XPO5: variants seen among roughly 807,000 people sequenced by gnomAD.
XPO5 encodes exportin 5, also known as exportin-5.
In XPO5, 46 loss-of-function variants were observed where a neutral mutation model predicts 160.6. The observed-to-expected ratio is 0.29, with a 90% CI of 0.23 to 0.37. The LOEUF (loss-of-function observed/expected upper bound fraction) is 0.37. XPO5 is among the 10% of genes least tolerant of loss of function. XPO5 has a pLI of 1.00. For synonymous variants in XPO5, 537 were observed against 519.3 expected (o/e 1.03, Z -0.46); for missense variants, 1,090 against 1,463.9 (o/e 0.74, Z 4.17).
intron 20 of XPO5, among the ~76,000 whole-genome samples, chr6:43,542,755 C>T (rs980029234): frequency 1.3e-5 from 2 of 152,156 alleles, no homozygotes; most frequent in Non-Finnish European, 1.5e-5. Context: ...CTCCCAACTC[C>T]AGCATATAAC....
At chr6:43,569,150 G>A (rs369411752) in intron 5 of XPO5, among the ~76,000 whole-genome samples, 7 of 151,892 alleles carry the variant, frequency 4.6e-5, no homozygotes, top group Non-Finnish European at 8.8e-5. Context: ...AAAATTAGCC[G>A]GTGTGCTGGC....
At chr6:43,571,822 T>C (rs898773497) in intron 3 of XPO5, among the ~76,000 whole-genome samples, 1 of 152,008 alleles carries the variant, frequency 6.6e-6, no homozygotes, top group Non-Finnish European at 1.5e-5. Flanking sequence ...AAAAAAGTCA[T>C]ATTCTAATAC....
At chr6:43,526,069 A>G in intron 27 of XPO5, 148 bp from the exon 28 acceptor site, 1 of 730,560 alleles carries the variant, frequency 1.4e-6, no homozygotes, top group Admixed American at 2.5e-5. Context: ...CCACCTCCAC[A>G]TAATGCCCAT....
At chr6:43,542,737 A>ATTT (rs1794768090) in intron 20 of XPO5, among the ~76,000 whole-genome samples, 1 of 152,180 alleles carries the variant, frequency 6.6e-6, no homozygotes, top group African/African-American at 2.4e-5. Flanking sequence ...AAAAATAGTA[A>ATTT]TTTAAAACTC....
chr6:43,538,451 A>G (rs755788768), intron 20 of XPO5, among the ~76,000 whole-genome samples: 5 of 152,072 alleles, frequency 3.3e-5, no homozygotes, highest in Non-Finnish European at 2.9e-5. Context: ...CGCTAAGCCT[A>G]ATTTAGTGAC....
intron 9 of XPO5, chr6:43,561,297 A>C (rs957341874): frequency 3.8e-5 from 13 of 343,730 alleles, no homozygotes; most frequent in Non-Finnish European, 6.4e-5. Flanking sequence ...CAGAAAGAAA[A>C]AAAATCTGTA....
chr6:43,564,083 G>A (rs569779424), intron 8 of XPO5, among the ~76,000 whole-genome samples: 3 of 152,092 alleles, frequency 2.0e-5, no homozygotes, highest in Admixed American at 1.3e-4. Flanking sequence ...CACCACGCCC[G>A]GCTAATTTTT....
chr6:43,546,881 TC>T (rs951087343), intron 19 of XPO5, 129 bp from the exon 20 acceptor site: 8 of 881,550 alleles, frequency 9.1e-6, no homozygotes, highest in Non-Finnish European at 1.3e-5. Flanking sequence ...AATCCTCTGC[TC>T]CCCGGCAATC....
chr6:43,540,833 C>T (rs968895023), intron 20 of XPO5, among the ~76,000 whole-genome samples: 2 of 151,842 alleles, frequency 1.3e-5, no homozygotes, highest in East Asian at 1.9e-4. Flanking sequence ...TTTCAAAGAA[C>T]CAGCTTTATT....
intron 22 of XPO5, 39 bp from the exon 23 acceptor site, chr6:43,530,863 C>G: frequency 6.3e-7 from 1 of 1,590,396 alleles, no homozygotes; most frequent in Non-Finnish European, 8.6e-7. Context: ...AATGACAAAT[C>G]CAACATCTGT....
At chr6:43,549,712 A>G (rs1795137226) in intron 16 of XPO5, 134 bp from the exon 17 acceptor site, 1 of 1,232,284 alleles carries the variant, frequency 8.1e-7, no homozygotes, top group African/African-American at 1.5e-5. Context: ...TAATGGAGTA[A>G]CATTTATAGC....
chr6:43,567,821 C>G (rs1762771859), intron 6 of XPO5, among the ~76,000 whole-genome samples: 1 of 151,626 alleles, frequency 6.6e-6, no homozygotes, highest in South Asian at 2.1e-4. Context: ...ATCTATAGTC[C>G]CAGCTACTCA....
intron 21 of XPO5, among the ~76,000 whole-genome samples, 161 bp from the exon 22 acceptor site, chr6:43,531,736 TAGG>T (rs1182614976): frequency 1.3e-5 from 2 of 152,056 alleles, no homozygotes; most frequent in African/African-American, 4.8e-5. Flanking sequence ...ACTCTTTTGG[TAGG>T]AGAAGGTGAA....
intron 20 of XPO5, among the ~76,000 whole-genome samples, chr6:43,538,531 T>A (rs886909141): frequency 4.8e-4 from 73 of 152,190 alleles, no homozygotes; most frequent in African/African-American, 1.4e-3. Context: ...TCGGTGATAT[T>A]TGAATACTGA....
intron 13 of XPO5, chr6:43,555,593 T>A (rs1762036925): frequency 3.2e-6 from 1 of 314,468 alleles, no homozygotes; most frequent in Non-Finnish European, 5.7e-6. Flanking sequence ...CTGTTAGAAA[T>A]GGAAAATGAT....
At chr6:43,542,235 T>C (rs1334493795) in intron 20 of XPO5, among the ~76,000 whole-genome samples, 6 of 152,158 alleles carry the variant, frequency 3.9e-5, no homozygotes, top group South Asian at 2.1e-4. Context: ...ACTGTAACAC[T>C]TGACTAGTAA....
In XPO5 at chr6:43,568,630, A is replaced by AGGT. The variant is rs1478067080; in HGVS notation, c.648+78_648+80dup. 3.2e-6 allele frequency: 4 copies of AGGT among 1,245,210 alleles called. No individual in the cohort carries two copies. The African/African-American group carries it at 4.6e-5, about 14-fold the overall frequency. 77.1% of individuals were successfully genotyped at this position (1,245,210 alleles called of 1,614,324 possible). A position where few individuals can be genotyped will look rare whatever the true frequency, so the allele number is the denominator to read the frequency against. ...AAACAATACAACACAAGCAAGGCTG[A>AGGT]GGTCACCATCCACTAGGGGCACGTA... On this transcript the variant is annotated intron_variant, in intron 6 of 31. Coordinates refer to ENST00000265351, the MANE Select transcript of XPO5 (RefSeq NM_020750.3).
Position 43,530,747 on chromosome 6 carries a change from A to C in XPO5, c.2618T>G (p.Leu873Arg). The change falls in exon 23 of 32, where the codon CTC becomes CGC. Residue 873 changes from leucine (L) to arginine (R), a missense_variant. Leu to Arg is a moderately radical substitution (Grantham distance 102). Transcript: ENST00000265351. ...YTVEDLATQLLSSAFVNLNNI... is the reference protein window; with the variant it reads ...YTVEDLATQLRSSAFVNLNNI... ...GTTCAAGTTGACAAAGGCTGAGCTG[A>C]GAAGCTGGGTAGCAAGGTCCTCCAC... is the stretch of plus-strand genomic sequence containing the variant. The C allele has an allele frequency of 6.2e-7, 1 of 1,614,012 alleles. No individual in the cohort carries two copies. The highest frequency in any genetic ancestry group is 2.2e-5 in the East Asian group (1 of 44,886).
chr6:43,548,662 G>T (rs1284172096), intron 17 of XPO5, among the ~76,000 whole-genome samples: 2 of 151,826 alleles, frequency 1.3e-5, no homozygotes, highest in Non-Finnish European at 2.9e-5. Flanking sequence ...CTCTTGTCTT[G>T]AGTATTTGGA....
Sources: allele counts gnomAD v4.1 joint callset (sites outside exome capture counted in the v4.1 genomes callset), GRCh38; gene constraint gnomAD v4.1.1; transcripts MANE v1.5; gene names NCBI Gene and HGNC (gene_info 2026-07-23, HGNC 2026-07-21).